The following POLQ variants were observed in gnomAD, a reference collection of about 807,000 sequenced individuals.
POLQ encodes DNA polymerase theta.
POLQ carries 233 observed loss-of-function variants against 259.2 expected under a neutral mutation model. That is an observed-to-expected ratio of 0.90 (90% CI 0.81 to 1.00). The LOEUF (loss-of-function observed/expected upper bound fraction) is 1.00. POLQ is among the 50% of genes least tolerant of loss of function. The probability of loss-of-function intolerance (pLI) is 0.00; values close to 1 mark genes in which losing one functional copy is unlikely to be tolerated. For synonymous variants in POLQ, 1,025 were observed against 1,048.8 expected, an observed-to-expected ratio of 0.98 and a Z score of 0.44; for missense variants, 2,871 against 3,051.6, an observed-to-expected ratio of 0.94 and a Z score of 1.39.
At chr3:121,490,780 G>A (rs507353) in intron 15 of POLQ, among the ~76,000 whole-genome samples, 14,926 of 152,188 alleles carry the variant, frequency 0.098, 1,064 homozygotes, top group African/African-American at 0.2. Context: ...CCGGCCGGGC[G>A]CGGTAGCTCA....
chr3:121,477,908 G>A (rs2047939934), intron 19 of POLQ, among the ~76,000 whole-genome samples: 1 of 152,132 alleles, frequency 6.6e-6, no homozygotes, highest in African/African-American at 2.4e-5. Flanking sequence ...ACATGCAGAA[G>A]GTACGAGACC....
intron 12 of POLQ, among the ~76,000 whole-genome samples, chr3:121,500,234 G>T (rs1336050477): frequency 6.7e-6 from 1 of 148,416 alleles, no homozygotes; most frequent in African/African-American, 2.5e-5. Context: ...AGCCGTAATT[G>T]TGCCACTGTA....
chr3:121,545,455 T>C (rs1467242299), intron 1 of POLQ, among the ~76,000 whole-genome samples: 1 of 152,144 alleles, frequency 6.6e-6, no homozygotes, highest in African/African-American at 2.4e-5. Flanking sequence ...GATGATGGGA[T>C]GAAGCTAACT....
Position 121,432,064 on chromosome 3 carries a change from T to C in POLQ, c.*240A>G. ...AAGTTACAAAAGGCAAATTCATAGA[T>C]GCTCTTTGAAAGTGAATGTAACTAT... On this transcript the variant is annotated 3_prime_UTR_variant, in exon 30 of 30. Transcript: ENST00000264233. The C allele has an allele frequency of 2.6e-6, 1 of 389,652 alleles. No homozygotes were observed. The highest frequency in any genetic ancestry group is 4.0e-5 in the East Asian group (1 of 24,734). 24.1% of individuals were successfully genotyped at this position (389,652 alleles called of 1,614,324 possible).
intron 7 of POLQ, among the ~76,000 whole-genome samples, chr3:121,524,296 C>T (rs2048357814): frequency 6.6e-6 from 1 of 152,264 alleles, no homozygotes; most frequent in Middle Eastern, 3.4e-3. Context: ...AAACTTCAGG[C>T]AAAGTTTACT....
At chr3:121,432,633 G>A (rs1030924027) in intron 29 of POLQ, among the ~76,000 whole-genome samples, 1 of 152,208 alleles carries the variant, frequency 6.6e-6, no homozygotes, top group Non-Finnish European at 1.5e-5. Flanking sequence ...GAAAGTTTTT[G>A]CTAGAATGCT....
At chr3:121,527,229 T>A (rs933201393) in intron 7 of POLQ, among the ~76,000 whole-genome samples, 3 of 152,006 alleles carry the variant, frequency 2.0e-5, no homozygotes, top group African/African-American at 7.3e-5. Flanking sequence ...CCTGGCTAAT[T>A]TTTATATTTT....
At chr3:121,527,779 T>C (rs1297906281) in intron 7 of POLQ, among the ~76,000 whole-genome samples, 2 of 152,192 alleles carry the variant, frequency 1.3e-5, no homozygotes, top group African/African-American at 4.8e-5. Context: ...GCACCTCAAA[T>C]TGGTCCCATG....
intron 24 of POLQ, 136 bp downstream of exon 24, chr3:121,467,383 A>G: frequency 1.3e-6 from 1 of 790,940 alleles, no homozygotes; most frequent in South Asian, 1.9e-5. Flanking sequence ...CAAAGGAGAA[A>G]GGCAGGCTCC....
chr3:121,526,902 C>A (rs188300803), intron 7 of POLQ, among the ~76,000 whole-genome samples: 1 of 151,880 alleles, frequency 6.6e-6, no homozygotes, highest in Non-Finnish European at 1.5e-5. Context: ...CGCGCGCGCA[C>A]GCACGTGCAT....
At chr3:121,449,290 G>T in intron 26 of POLQ, 25 bp downstream of exon 26, 1 of 1,120,982 alleles carries the variant, frequency 8.9e-7, no homozygotes, top group South Asian at 1.3e-5. Flanking sequence ...TGGTTGAAAA[G>T]AATACTATCT....
chr3:121,541,867 G>A lies in POLQ; in HGVS notation c.344-388C>T, dbSNP rs138727117. On this transcript the variant is annotated intron_variant, in intron 2 of 29. Coordinates refer to ENST00000264233, the MANE Select transcript of POLQ (RefSeq NM_199420.4). ...GGGCTGGGCATGGTGGCTCATGCCTGTAATCCCAGCATTTTAGGAGGCCAA... is the reference window on the plus strand; with the variant it reads ...GGGCTGGGCATGGTGGCTCATGCCTATAATCCCAGCATTTTAGGAGGCCAA... Among the ~76,000 whole-genome samples, 1,228 of 152,204 alleles carry A rather than the reference G, an allele frequency of 8.1e-3. 15 individuals are homozygous for A. The highest frequency in any genetic ancestry group is 0.028 in the African/African-American group (1,166 of 41,534).
At chr3:121,507,493 G>A (rs151156255) in intron 12 of POLQ, among the ~76,000 whole-genome samples, 2,058 of 152,080 alleles carry the variant, frequency 0.014, 43 homozygotes, top group African/African-American at 0.047. Flanking sequence ...TTGGGAGGCC[G>A]AGGAGGGTGG....
intron 12 of POLQ, among the ~76,000 whole-genome samples, chr3:121,507,885 T>C (rs2048221600): frequency 6.6e-6 from 1 of 152,126 alleles, no homozygotes. Flanking sequence ...ACGAGGTCTC[T>C]TGCTGTCACC....
intron 14 of POLQ, chr3:121,494,716 C>T: frequency 6.3e-7 from 1 of 1,581,512 alleles, no homozygotes; most frequent in Non-Finnish European, 8.6e-7. Flanking sequence ...CCACTGTCGC[C>T]TTCACACAGG....
Position 121,460,715 on chromosome 3 carries a change from T to C in POLQ, c.6968-481A>G, listed in dbSNP as rs539225681. 3.3e-5 allele frequency among the ~76,000 whole-genome samples: 5 copies of C among 152,266 alleles called. No homozygotes were observed. In the East Asian group the frequency reaches 9.6e-4, roughly 29 times the overall value. On this transcript the variant is annotated intron_variant, in intron 24 of 29. Coordinates refer to ENST00000264233, the MANE Select transcript of POLQ (RefSeq NM_199420.4). Reference sequence around the variant, plus strand: ...CAATGTGTGCAAATGTTAAGTGGGCTGGAGAGAAATGTGTGCCCTGATTTG... The same window carrying C: ...CAATGTGTGCAAATGTTAAGTGGGCCGGAGAGAAATGTGTGCCCTGATTTG...
rs566210232 is a variant in POLQ at position 121,537,484 on chromosome 3, T to C, written c.632-276A>G. 2.6e-4 allele frequency among the ~76,000 whole-genome samples: 40 copies of C among 152,316 alleles called. 1 individual carries two copies. The South Asian group carries it at 8.3e-3, about 32-fold the overall frequency. On this transcript the variant is annotated intron_variant, in intron 4 of 29. Coordinates refer to ENST00000264233, the MANE Select transcript of POLQ (RefSeq NM_199420.4). ...TTCTAGTAGTCCCCAGTTTCTGTTG[T>C]CGCTATCTTTATGTCCATGAGTACT...
chr3:121,433,089 T>C, intron 28 of POLQ, 56 bp from the exon 29 acceptor site: 1 of 920,940 alleles, frequency 1.1e-6, no homozygotes, highest in Non-Finnish European at 1.8e-6. Context: ...CATAGGAGAA[T>C]GTTTTTAGAG....
chr3:121,536,257 T>C (rs925630962), intron 5 of POLQ, among the ~76,000 whole-genome samples: 35 of 151,988 alleles, frequency 2.3e-4, no homozygotes, highest in Non-Finnish European at 7.4e-5. Flanking sequence ...AGGAAGATAA[T>C]GAGAGGATAA....
Sources: gnomAD v4.1 joint callset for allele counts (sites outside exome capture counted in the v4.1 genomes callset) on GRCh38, gnomAD v4.1.1 for gene constraint, MANE v1.5 for transcripts, NCBI Gene and HGNC (gene_info 2026-07-23, HGNC 2026-07-21) for gene names.